Variants in PRKCA observed in about 807,000 individuals in gnomAD.
PRKCA encodes the protein protein kinase C alpha type.
In PRKCA, 27 loss-of-function variants were observed where a neutral mutation model predicts 87.0. The observed-to-expected ratio is 0.31, with a 90% CI of 0.23 to 0.43. The LOEUF (loss-of-function observed/expected upper bound fraction) is 0.43, where lower values mean the gene tolerates loss of function less well. Among genes scored for constraint, PRKCA ranks in the 20% least tolerant of loss-of-function variants. The pLI is 1.00. For synonymous variants in PRKCA, 329 were observed against 311.1 expected (o/e 1.06, Z -0.61); for missense variants, 518 against 852.3 (o/e 0.61, Z 4.88).
At chr17:66,698,281 G>A (rs1290194382) in intron 8 of PRKCA, among the ~76,000 whole-genome samples, 2 of 152,166 alleles carry the variant, frequency 1.3e-5, no homozygotes, top group Admixed American at 1.3e-4. Context: ...ACTAAAAAAT[G>A]GAGATCTAAA....
chr17:66,789,920 T>TCCAAGGG lies in PRKCA; in HGVS notation c.1854+943_1854+949dup, dbSNP rs566535008. On this transcript the variant is annotated intron_variant, in intron 16 of 16. Coordinates refer to ENST00000413366, the MANE Select transcript of PRKCA (RefSeq NM_002737.3). ...TCACCACCTGCCACTTTGCAGAGCCTCCAAGGGCGTCCTGTTTCTAAGGGC... is the reference window on the plus strand; with the variant it reads ...TCACCACCTGCCACTTTGCAGAGCCTCCAAGGGCCAAGGGCGTCCTGTTTCTAAGGGC... 3.6e-3 allele frequency among the ~76,000 whole-genome samples: 549 copies of TCCAAGGG among 152,338 alleles called. 1 individual carries two copies. The highest frequency in any genetic ancestry group is 6.8e-3 in the Middle Eastern group (2 of 294).
At chr17:66,491,404 C>A (rs1358550053) in intron 2 of PRKCA, among the ~76,000 whole-genome samples, 3 of 152,210 alleles carry the variant, frequency 2.0e-5, no homozygotes, top group African/African-American at 7.2e-5. Context: ...CAAGGGGGGC[C>A]CCCACGACAA....
intron 2 of PRKCA, among the ~76,000 whole-genome samples, chr17:66,493,932 A>G (rs1157155965): frequency 6.6e-6 from 1 of 152,176 alleles, no homozygotes; most frequent in Admixed American, 6.5e-5. Flanking sequence ...GCCTCAATCT[A>G]TTCTATTAAA....
At chr17:66,476,242 C>T (rs760651010) in intron 2 of PRKCA, among the ~76,000 whole-genome samples, 9 of 152,162 alleles carry the variant, frequency 5.9e-5, no homozygotes, top group African/African-American at 1.7e-4. Context: ...CTGGTTTCTG[C>T]TACCTTTTCT....
chr17:66,479,864 GGTGAGAAGAGGGA>G (rs1329739571), intron 2 of PRKCA, among the ~76,000 whole-genome samples: 1 of 152,064 alleles, frequency 6.6e-6, no homozygotes, highest in African/African-American at 2.4e-5. Context: ...GAAGGTGGAG[GGTGAGAAGAGGGA>G]GAGGATCAGG....
rs533290435 is a variant in PRKCA, at chr17:66,377,417, T to C, written c.205+71290T>C. ...AACAGGAATTTACTTGTCCCAGGTC[T>C]ATCTGGGGCTGAGCTAATGCAGAGC... On this transcript the variant is annotated intron_variant, in intron 2 of 16. Coordinates refer to ENST00000413366, the MANE Select transcript of PRKCA (RefSeq NM_002737.3). Among the ~76,000 whole-genome samples, 19 of 151,914 alleles carry C rather than the reference T, an allele frequency of 1.3e-4. No individual in the cohort carries two copies. The South Asian group carries it at 3.9e-3, about 32-fold the overall frequency.
chr17:66,664,167 C>T (rs112364145), intron 5 of PRKCA, among the ~76,000 whole-genome samples: 1,733 of 152,234 alleles, frequency 0.011, 31 homozygotes, highest in African/African-American at 0.039. Context: ...CGCGCCCAAC[C>T]GTCTTTGGAG....
chr17:66,312,457 T>C (rs1047052583), intron 2 of PRKCA, among the ~76,000 whole-genome samples: 1 of 152,224 alleles, frequency 6.6e-6, no homozygotes, highest in African/African-American at 2.4e-5. Flanking sequence ...GTTTCACAGC[T>C]GCCCTATCAG....
intron 3 of PRKCA, chr17:66,640,840 G>C: frequency 2.5e-6 from 1 of 401,872 alleles, no homozygotes; most frequent in South Asian, 1.8e-5. Flanking sequence ...CCCATAAATA[G>C]AGGAAACATA....
chr17:66,523,530 C>T (rs1967241572), intron 3 of PRKCA, among the ~76,000 whole-genome samples: 1 of 152,116 alleles, frequency 6.6e-6, no homozygotes, highest in African/African-American at 2.4e-5. Flanking sequence ...TAGCTCTTTG[C>T]CCAGCATATA....
intron 11 of PRKCA, 83 bp from the exon 12 acceptor site, chr17:66,741,576 T>C: frequency 1.4e-6 from 2 of 1,471,538 alleles, no homozygotes; most frequent in Non-Finnish European, 1.9e-6. Flanking sequence ...CTTTTCTCTC[T>C]TTGATGCTTG....
chr17:66,306,406 G>A, intron 2 of PRKCA: 2 of 334,396 alleles, frequency 6.0e-6, no homozygotes, highest in Non-Finnish European at 1.1e-5. Flanking sequence ...CTTTGTGTGG[G>A]TGTTGAGAAA....
intron 3 of PRKCA, among the ~76,000 whole-genome samples, chr17:66,563,951 T>C (rs1012188023): frequency 5.9e-5 from 8 of 136,578 alleles, no homozygotes; most frequent in Non-Finnish European, 9.5e-5. Context: ...TTGTTTCTTC[T>C]TTCCTTCCTT....
chr17:66,406,590 T>TTTTTTTTG (rs893462216), intron 2 of PRKCA, among the ~76,000 whole-genome samples: 3 of 136,242 alleles, frequency 2.2e-5, no homozygotes, highest in Non-Finnish European at 3.3e-5. Flanking sequence ...TCCAGGTTTT[T>TTTTTTTTG]TTTTTTTTTT....
At chr17:66,675,857 G>A (rs915721880) in intron 5 of PRKCA, among the ~76,000 whole-genome samples, 7 of 152,100 alleles carry the variant, frequency 4.6e-5, no homozygotes, top group South Asian at 4.1e-4. Context: ...GGGGTCCCAC[G>A]CCAGCTGACC....
chr17:66,586,978 C>T (rs1421329256), intron 3 of PRKCA, among the ~76,000 whole-genome samples: 4 of 152,208 alleles, frequency 2.6e-5, no homozygotes, highest in African/African-American at 9.6e-5. Flanking sequence ...CTTTTATTGC[C>T]GCCATGTTGC....
chr17:66,804,302 C>G lies in PRKCA; in HGVS notation c.*265C>G. 1 of 359,898 alleles carries G rather than the reference C, an allele frequency of 2.8e-6. No homozygotes were observed. Among genetic ancestry groups the G allele is most frequent in the South Asian group, 8.4e-5 (1 of 11,926 alleles). The allele number at this position is 359,898 out of a possible 1,614,324, so 22.3% of individuals were successfully genotyped here. A position where few individuals can be genotyped will look rare whatever the true frequency, so the allele number is the denominator to read the frequency against. ...AAGTTACGTCTGGCTCTAGGTTAAC[C>G]CTTCCTAGAAAGCAAGCAGACTGTT... On this transcript the variant is annotated 3_prime_UTR_variant, in exon 17 of 17. Transcript: ENST00000413366.
intron 8 of PRKCA, among the ~76,000 whole-genome samples, chr17:66,697,100 C>A (rs1037313481): frequency 1.3e-5 from 2 of 152,248 alleles, no homozygotes; most frequent in African/African-American, 4.8e-5. Context: ...CTTGGAAATT[C>A]TTCGACCCAT....
intron 2 of PRKCA, among the ~76,000 whole-genome samples, chr17:66,396,692 G>A (rs1273348969): frequency 3.4e-5 from 5 of 148,594 alleles, no homozygotes; most frequent in Middle Eastern, 3.4e-3. Flanking sequence ...ACAGTGGCGC[G>A]ATCTCCGCTC....
Sources: allele counts gnomAD v4.1 joint callset (sites outside exome capture counted in the v4.1 genomes callset), GRCh38; gene constraint gnomAD v4.1.1; transcripts MANE v1.5; gene names NCBI Gene and HGNC (gene_info 2026-07-23, HGNC 2026-07-21).